Variants in DNAAF4 observed in about 807,000 individuals in gnomAD.
The protein encoded by DNAAF4 is dynein axonemal assembly factor 4, also known as dynein assembly factor 4, axonemal.
A neutral mutation model predicts 51.8 loss-of-function variants in DNAAF4; 43 were observed. The observed-to-expected ratio is 0.83, with a 90% CI of 0.65 to 1.07. DNAAF4 has a LOEUF of 1.07. Ranked by LOEUF, DNAAF4 falls within the 50% of genes least tolerant of loss-of-function variation. The probability of loss-of-function intolerance (pLI) is 0.00; values close to 1 mark genes in which losing one functional copy is unlikely to be tolerated. For synonymous variants in DNAAF4, 194 were observed against 165.6 expected (o/e 1.17, Z -1.32); for missense variants, 581 against 493.0 (o/e 1.18, Z -1.69).
chr15:55,507,915 A>C (rs1422916736), intron 1 of DNAAF4, among the ~76,000 whole-genome samples: 1 of 152,148 alleles, frequency 6.6e-6, no homozygotes, highest in Non-Finnish European at 1.5e-5. Context: ...GGTCCTCCCC[A>C]CCACCACCAG....
intron 4 of DNAAF4, among the ~76,000 whole-genome samples, chr15:55,472,830 C>T (rs556191610): frequency 1.4e-4 from 22 of 151,924 alleles, no homozygotes; most frequent in African/African-American, 4.8e-4. Context: ...CTTTATAAGC[C>T]AATCCCACTT....
chr15:55,436,416 C>A (rs1289868391), intron 7 of DNAAF4, among the ~76,000 whole-genome samples: 1 of 151,948 alleles, frequency 6.6e-6, no homozygotes, highest in African/African-American at 2.4e-5. Flanking sequence ...AGCAGTCTTG[C>A]TAAATTGCCC....
intron 6 of DNAAF4, among the ~76,000 whole-genome samples, chr15:55,445,964 G>T (rs1256638174): frequency 7.6e-4 from 110 of 145,452 alleles, no homozygotes; most frequent in Non-Finnish European, 1.4e-3. Flanking sequence ...AGACGGGGCG[G>T]CCGGGCAGAG....
intron 4 of DNAAF4, among the ~76,000 whole-genome samples, chr15:55,485,084 A>C (rs964054145): frequency 2.0e-5 from 3 of 152,216 alleles, no homozygotes; most frequent in Non-Finnish European, 4.4e-5. Flanking sequence ...CACTAGCCAA[A>C]GGGTGGAAGC....
intron 1 of DNAAF4, among the ~76,000 whole-genome samples, chr15:55,501,610 CGT>C (rs2058699459): frequency 1.3e-5 from 2 of 151,502 alleles, no homozygotes; most frequent in African/African-American, 4.8e-5. Flanking sequence ...CTCCTGACCT[CGT>C]GATCAACCCA....
chr15:55,424,490 T>C (rs1178767583), intron 7 of DNAAF4, among the ~76,000 whole-genome samples: 1 of 152,242 alleles, frequency 6.6e-6, no homozygotes, highest in African/African-American at 2.4e-5. Flanking sequence ...ATGAAATTTG[T>C]TGGAAAGCAG....
intron 4 of DNAAF4, among the ~76,000 whole-genome samples, chr15:55,490,464 C>T (rs1466324531): frequency 1.3e-5 from 2 of 152,076 alleles, no homozygotes; most frequent in Admixed American, 6.6e-5. Context: ...TCACTTAAAA[C>T]CCTTAACAGT....
chr15:55,446,346 T>A (rs1417759970), intron 6 of DNAAF4, among the ~76,000 whole-genome samples: 1 of 59,230 alleles, frequency 1.7e-5, no homozygotes, highest in Non-Finnish European at 2.9e-5. Context: ...CCAGACGGGG[T>A]GGCCAGGCAG....
chr15:55,475,715 C>T (rs1208243748), intron 4 of DNAAF4, among the ~76,000 whole-genome samples: 1 of 151,472 alleles, frequency 6.6e-6, no homozygotes, highest in Non-Finnish European at 1.5e-5. Flanking sequence ...ATGCTCAACC[C>T]ATACCAACAT....
At chr15:55,419,974 A>G (rs369907735) in intron 7 of DNAAF4, among the ~76,000 whole-genome samples, 20 of 152,170 alleles carry the variant, frequency 1.3e-4, no homozygotes, top group African/African-American at 4.8e-4. Flanking sequence ...TTGCACTCCA[A>G]CCTGGGCAAC....
chr15:55,476,872 C>T (rs112856448), intron 4 of DNAAF4, among the ~76,000 whole-genome samples: 6,171 of 151,932 alleles, frequency 0.041, 419 homozygotes, highest in African/African-American at 0.14. Flanking sequence ...TTGTGCAAGA[C>T]GAAATGAGTT....
At chr15:55,440,880 A>C (rs557267452) in intron 6 of DNAAF4, among the ~76,000 whole-genome samples, 1 of 150,246 alleles carries the variant, frequency 6.7e-6, no homozygotes, top group East Asian at 2.0e-4. Flanking sequence ...ATGGGGTTTC[A>C]CCATATGGGC....
intron 4 of DNAAF4, among the ~76,000 whole-genome samples, chr15:55,475,810 G>C (rs1456132048): frequency 6.6e-6 from 1 of 152,204 alleles, no homozygotes; most frequent in Non-Finnish European, 1.5e-5. Flanking sequence ...TGTAGCTTTG[G>C]TGGATAAAAG....
chr15:55,418,262 A>G lies in DNAAF4; in HGVS notation c.1048-129T>C, dbSNP rs767444737. 1.0e-5 allele frequency: 16 copies of G among 1,555,474 alleles called. No homozygotes were observed. The South Asian group carries it at 1.8e-4, about 17-fold the overall frequency. On this transcript the variant is annotated intron_variant, in intron 7 of 7. Coordinates refer to the DNAAF4 transcript ENST00000448430. ...TTCACCTTCAAATTCAGACACAGAA[A>G]TGAAATCTGAACAACTGCCTCCTTG...
intron 1 of DNAAF4, among the ~76,000 whole-genome samples, chr15:55,500,341 A>C (rs1243653662): frequency 6.6e-6 from 1 of 152,124 alleles, no homozygotes; most frequent in Non-Finnish European, 1.5e-5. Context: ...TAAGCTGAGA[A>C]ACCCACGAAT....
intron 1 of DNAAF4, among the ~76,000 whole-genome samples, chr15:55,503,957 T>C (rs1053389689): frequency 1.3e-5 from 2 of 152,200 alleles, no homozygotes; most frequent in African/African-American, 4.8e-5. Flanking sequence ...ATATAGGGTA[T>C]TCAAGTAGGA....
chr15:55,473,203 A>ATG (rs2058283235), intron 4 of DNAAF4, among the ~76,000 whole-genome samples: 1 of 102,550 alleles, frequency 9.8e-6, no homozygotes, highest in African/African-American at 3.5e-5. Flanking sequence ...AAAAAAATAT[A>ATG]TATATATATA....
At chr15:55,469,849 TA>T (rs1465092014) in intron 4 of DNAAF4, among the ~76,000 whole-genome samples, 3 of 151,930 alleles carry the variant, frequency 2.0e-5, no homozygotes, top group African/African-American at 7.3e-5. Flanking sequence ...TGTCATTATC[TA>T]CCCGGAGTTA....
chr15:55,436,924 A>C (rs1168490246), intron 7 of DNAAF4, among the ~76,000 whole-genome samples: 1 of 151,932 alleles, frequency 6.6e-6, no homozygotes, highest in Non-Finnish European at 1.5e-5. Flanking sequence ...AGGTTCAAGC[A>C]ATTCTCCTGC....
Sources: gnomAD v4.1 joint callset for allele counts (sites outside exome capture counted in the v4.1 genomes callset) on GRCh38, gnomAD v4.1.1 for gene constraint, MANE v1.5 for transcripts, NCBI Gene and HGNC (gene_info 2026-07-23, HGNC 2026-07-21) for gene names.